Variants in ELP4 observed in about 807,000 individuals in gnomAD.
ELP4 encodes the protein elongator complex protein 4.
Under a neutral mutation model 48.9 loss-of-function variants are expected in ELP4, and 51 were observed. That is an observed-to-expected ratio of 1.04 (90% CI 0.83 to 1.32). The LOEUF is 1.32. ELP4 is among the 40% of genes most tolerant of loss of function. The pLI is 0.00. For synonymous variants in ELP4, 210 were observed against 189.2 expected, an observed-to-expected ratio of 1.11 and a Z score of -0.90; for missense variants, 519 against 514.6, an observed-to-expected ratio of 1.01 and a Z score of -0.08.
chr11:31,648,349 T>A (rs1001080664), intron 8 of ELP4: 1 of 151,714 alleles, frequency 6.6e-6, no homozygotes, highest in African/African-American at 2.4e-5. Context: ...GTATGAGTTA[T>A]GAACAAATTA....
intron 9 of ELP4, chr11:31,653,994 T>A (rs1261785456): frequency 1.3e-5 from 2 of 151,760 alleles, no homozygotes. Context: ...CATTTTCACT[T>A]GCACTTAATA....
intron 9 of ELP4, among the ~76,000 whole-genome samples, chr11:31,744,246 A>G (rs948952779): frequency 6.6e-6 from 1 of 152,220 alleles, no homozygotes; most frequent in Admixed American, 6.5e-5. Context: ...TGAGGCAATA[A>G]TCAATAGCTT....
intron 9 of ELP4, chr11:31,727,956 A>G (rs1303032639): frequency 6.6e-6 from 1 of 152,138 alleles, no homozygotes; most frequent in Non-Finnish European, 1.5e-5. Context: ...TAGACCTACA[A>G]GTATGTTTTT....
At chr11:31,591,155 C>G (rs538159862) in intron 3 of ELP4, among the ~76,000 whole-genome samples, 1 of 151,992 alleles carries the variant, frequency 6.6e-6, no homozygotes, top group Non-Finnish European at 1.5e-5. Flanking sequence ...GCCTGTAATC[C>G]CAGCACTTTA....
chr11:31,617,245 A>G (rs1051292873), intron 5 of ELP4, among the ~76,000 whole-genome samples: 1 of 152,156 alleles, frequency 6.6e-6, no homozygotes, highest in Non-Finnish European at 1.5e-5. Context: ...ATGGAAATAC[A>G]TATTTCATAT....
chr11:31,735,853 AT>A (rs1217137191), intron 9 of ELP4, among the ~76,000 whole-genome samples: 1 of 152,238 alleles, frequency 6.6e-6, no homozygotes, highest in Non-Finnish European at 1.5e-5. Flanking sequence ...AGAACATTCC[AT>A]GCTCATGAGT....
Position 31,790,117 on chromosome 11 carries a change from A to AAAAAC in ELP4, c.*6596_*6597insACAAA. 2.6e-6 allele frequency: 2 copies of AAAAAC among 779,982 alleles called. No homozygotes were observed. The highest frequency in any genetic ancestry group is 2.7e-5 in the East Asian group (1 of 36,806). 48.3% of individuals were successfully genotyped at this position (779,982 alleles called of 1,614,324 possible). ...GTTTACAAAAAAAAAAAAAAAAAAA[A>AAAAAC]AAACTAATACTTTCTAACATTTTTT... On this transcript the variant is annotated 3_prime_UTR_variant, in exon 10 of 10. Transcript: ENST00000640961.
In ELP4 at chr11:31,624,499, A is replaced by G. The variant is rs183649851; in HGVS notation, c.654-2611A>G. On this transcript the variant is annotated intron_variant, in intron 5 of 9. Coordinates refer to ENST00000640961, the MANE Select transcript of ELP4 (RefSeq NM_019040.5). ...CGAGAATGGAGCTTACAGGACTGGA[A>G]GTTGCTCTGGGTGAGTCAGTAAAGG... is the stretch of plus-strand genomic sequence containing the variant. 2.9e-3 allele frequency among the ~76,000 whole-genome samples: 433 copies of G among 151,734 alleles called. 2 individuals are homozygous for G. The highest frequency in any genetic ancestry group is 0.01 in the African/African-American group (416 of 41,494).
At chr11:31,705,992 G>A (rs1250245392) in intron 9 of ELP4, among the ~76,000 whole-genome samples, 1 of 151,920 alleles carries the variant, frequency 6.6e-6, no homozygotes, top group Non-Finnish European at 1.5e-5. Context: ...AACTAGGACT[G>A]CAGATGCACA....
chr11:31,560,898 A>G (rs1957014617), intron 3 of ELP4, among the ~76,000 whole-genome samples: 1 of 151,958 alleles, frequency 6.6e-6, no homozygotes, highest in Non-Finnish European at 1.5e-5. Context: ...ATATTTGCCC[A>G]CAATCTTCTA....
rs1406035457 is a variant in ELP4, at chr11:31,785,910, A to T, written c.*2386A>T. On this transcript the variant is annotated 3_prime_UTR_variant, in exon 10 of 10. Transcript: ENST00000640961. ...TATAAATACTTAAGAACAATGCCAA[A>T]CGTAATATCTGAAATGATATCTTTT... 1.0e-5 allele frequency: 2 copies of T among 195,938 alleles called. No homozygotes were observed. The highest frequency in any genetic ancestry group is 2.1e-5 in the Non-Finnish European group (2 of 94,262). The allele number at this position is 195,938 out of a possible 1,614,324, so 12.1% of individuals were successfully genotyped here.
chr11:31,510,100 A>AC (rs1359901132), intron 1 of ELP4, 93 bp downstream of exon 1: 2 of 1,158,900 alleles, frequency 1.7e-6, no homozygotes, highest in Admixed American at 2.1e-5. Context: ...TCTCTTTCTG[A>AC]CCCCTAAACC....
chr11:31,726,228 C>T (rs1410739927), intron 9 of ELP4, among the ~76,000 whole-genome samples: 1 of 151,916 alleles, frequency 6.6e-6, no homozygotes. Flanking sequence ...TTATCAAGGA[C>T]AGAATTGAAG....
chr11:31,519,998 A>G, intron 1 of ELP4, 58 bp from the exon 2 acceptor site: 1 of 1,561,908 alleles, frequency 6.4e-7, no homozygotes, highest in Non-Finnish European at 8.8e-7. Context: ...CCTAACTTTT[A>G]TGCTAAAGGT....
chr11:31,590,333 A>G (rs958997777), intron 3 of ELP4, among the ~76,000 whole-genome samples: 1 of 152,158 alleles, frequency 6.6e-6, no homozygotes, highest in Non-Finnish European at 1.5e-5. Flanking sequence ...ATATATTGGT[A>G]CTCAATAATA....
chr11:31,771,704 GCT>G (rs1948145782), intron 9 of ELP4, among the ~76,000 whole-genome samples: 1 of 152,174 alleles, frequency 6.6e-6, no homozygotes, highest in African/African-American at 2.4e-5. Context: ...TAGTGGCCGG[GCT>G]CAGTGGCTCA....
chr11:31,539,453 C>CAA (rs574837978), intron 2 of ELP4, among the ~76,000 whole-genome samples: 2 of 151,254 alleles, frequency 1.3e-5, no homozygotes, highest in Non-Finnish European at 3.0e-5. Flanking sequence ...GACTCCGTCT[C>CAA]AAAAAAAAAG....
intron 3 of ELP4, among the ~76,000 whole-genome samples, chr11:31,550,220 A>G (rs930769482): frequency 3.5e-4 from 53 of 152,288 alleles, no homozygotes; most frequent in Admixed American, 2.8e-3. Context: ...AATATATAAT[A>G]CTTTTATTTA....
chr11:31,788,463 GA>G lies in ELP4; in HGVS notation c.*4943del. ...CTCTTGTGCAAAGGGGAGGGAGACA[GA>G]AAAGGGAGAGGGCCTATTTGAAAAA... On this transcript the variant is annotated 3_prime_UTR_variant, in exon 10 of 10. Coordinates refer to ENST00000640961, the MANE Select transcript of ELP4 (RefSeq NM_019040.5). 4.5e-6 allele frequency: 1 copy of G among 223,834 alleles called. No homozygotes were observed. The highest frequency in any genetic ancestry group is 5.7e-5 in the Admixed American group (1 of 17,440). The allele number at this position is 223,834 out of a possible 1,614,324, so 13.9% of individuals were successfully genotyped here.
Sources: gnomAD v4.1 joint callset for allele counts (sites outside exome capture counted in the v4.1 genomes callset) on GRCh38, gnomAD v4.1.1 for gene constraint, MANE v1.5 for transcripts, NCBI Gene and HGNC (gene_info 2026-07-23, HGNC 2026-07-21) for gene names.